Variants in EBF1 observed in about 807,000 individuals in gnomAD.
EBF1 encodes EBF transcription factor 1, also known as transcription factor COE1.
In EBF1, 10 loss-of-function variants were observed where a neutral mutation model predicts 68.4. The ratio of observed to expected loss-of-function variants is 0.15; its 90% CI spans 0.09 to 0.25. The LOEUF is 0.25. Ranked by LOEUF, EBF1 falls within the 10% of genes least tolerant of loss-of-function variation. The pLI is 1.00. For synonymous variants in EBF1, 298 were observed against 299.8 expected (o/e 0.99, Z 0.06); for missense variants, 509 against 794.4 (o/e 0.64, Z 4.32).
chr5:158,706,191 C>CTT (rs201025630), intron 15 of EBF1, among the ~76,000 whole-genome samples: 79 of 137,932 alleles, frequency 5.7e-4, no homozygotes, highest in African/African-American at 1.9e-3. Flanking sequence ...CACAGGCACG[C>CTT]TTTTTTTTTT....
At chr5:159,051,482 T>G (rs890962481) in intron 6 of EBF1, among the ~76,000 whole-genome samples, 11 of 129,050 alleles carry the variant, frequency 8.5e-5, no homozygotes, top group Non-Finnish European at 1.3e-4. Context: ...CCGCTCCACA[T>G]GTGCGACTCG....
chr5:159,051,582 C>T (rs1773755638), intron 6 of EBF1, among the ~76,000 whole-genome samples: 1 of 151,770 alleles, frequency 6.6e-6, no homozygotes, highest in African/African-American at 2.4e-5. Context: ...ACACAAACAC[C>T]GCCGGCCCGG....
intron 6 of EBF1, among the ~76,000 whole-genome samples, chr5:158,865,776 C>T (rs1457375427): frequency 1.3e-5 from 2 of 152,096 alleles, no homozygotes; most frequent in African/African-American, 4.8e-5. Flanking sequence ...AAGAACTAAA[C>T]CATAAAATTG....
rs73816865 is a variant in EBF1, at chr5:158,982,280, G to C, written c.554+91116C>G. On this transcript the variant is annotated intron_variant, in intron 6 of 15. Coordinates refer to ENST00000313708, the MANE Select transcript of EBF1 (RefSeq NM_024007.5). ...TATTAAATAAACATTAGCTGCTACA[G>C]TTGTTACTAATAGTATTATTTGCAC... 3.9e-3 allele frequency among the ~76,000 whole-genome samples: 587 copies of C among 152,288 alleles called. 2 individuals are homozygous for C. Among genetic ancestry groups the C allele is most frequent in the African/African-American group, 0.013 (537 of 41,560 alleles).
chr5:159,030,565 G>A (rs1440101199), intron 6 of EBF1, among the ~76,000 whole-genome samples: 2 of 152,162 alleles, frequency 1.3e-5, no homozygotes, highest in East Asian at 1.9e-4. Context: ...AGGGACAACA[G>A]GATCCGATCT....
intron 7 of EBF1, among the ~76,000 whole-genome samples, chr5:158,825,631 G>GA (rs558494975): frequency 4.0e-5 from 6 of 150,530 alleles, no homozygotes; most frequent in African/African-American, 4.9e-5. Context: ...AACGGTTAAG[G>GA]AAAAAAAAAC....
chr5:158,818,266 A>T (rs974644960), intron 8 of EBF1, among the ~76,000 whole-genome samples: 2 of 152,154 alleles, frequency 1.3e-5, no homozygotes, highest in African/African-American at 4.8e-5. Flanking sequence ...CTTTCTCCAC[A>T]TTTCCGTAAA....
intron 8 of EBF1, among the ~76,000 whole-genome samples, chr5:158,821,981 G>T (rs1465824788): frequency 6.6e-6 from 1 of 152,180 alleles, no homozygotes; most frequent in Non-Finnish European, 1.5e-5. Flanking sequence ...AGGGGAAAAA[G>T]CCAGGCAAAA....
chr5:158,876,560 C>T (rs1379180552), intron 6 of EBF1, among the ~76,000 whole-genome samples: 2 of 152,188 alleles, frequency 1.3e-5, no homozygotes, highest in Admixed American at 6.5e-5. Flanking sequence ...GAAGCTCCTA[C>T]AACCTGTACT....
Position 158,713,049 on chromosome 5 carries a change from G to A in EBF1, c.1290C>T (p.His430=), listed in dbSNP as rs570120838. 42 of 1,598,962 alleles carry A rather than the reference G, an allele frequency of 2.6e-5. No homozygotes were observed. The highest frequency in any genetic ancestry group is 1.2e-4 in the South Asian group (11 of 88,582). ...QLPALANTSV[H]AGMMGVNSFS... is the part of the protein sequence containing the mutation. ...ACGAATTCACGCCCATCATCCCTGC[G>A]TGGACCGAGGTGTTAGCAAGGGCCG... Residue 430 remains histidine (H), a synonymous_variant, in exon 13 of 16, where the codon CAC becomes CAT. Coordinates refer to ENST00000313708, the MANE Select transcript of EBF1 (RefSeq NM_024007.5).
At chr5:158,856,828 A>C (rs983779430) in intron 6 of EBF1, among the ~76,000 whole-genome samples, 1 of 152,204 alleles carries the variant, frequency 6.6e-6, no homozygotes. Context: ...GCTTGTGCTC[A>C]TAAGAACTGC....
chr5:158,918,479 G>A (rs1403436644), intron 6 of EBF1, among the ~76,000 whole-genome samples: 2 of 151,532 alleles, frequency 1.3e-5, no homozygotes, highest in Non-Finnish European at 2.9e-5. Context: ...TGATACTGGG[G>A]AAGAATGGAT....
chr5:158,742,335 G>T (rs1766588692), intron 10 of EBF1, among the ~76,000 whole-genome samples: 1 of 152,152 alleles, frequency 6.6e-6, no homozygotes, highest in Non-Finnish European at 1.5e-5. Flanking sequence ...CAGCTAGACT[G>T]CAGCCAGGCT....
intron 8 of EBF1, among the ~76,000 whole-genome samples, chr5:158,805,205 T>C (rs1781345729): frequency 6.6e-6 from 1 of 152,312 alleles, no homozygotes; most frequent in Middle Eastern, 3.4e-3. Flanking sequence ...AATATGCAAC[T>C]GCTTCTTCAA....
At chr5:158,965,019 C>A (rs1372771883) in intron 6 of EBF1, among the ~76,000 whole-genome samples, 1 of 152,174 alleles carries the variant, frequency 6.6e-6, no homozygotes, top group Non-Finnish European at 1.5e-5. Context: ...TATTTGGTAA[C>A]CAGACTAGAG....
intron 6 of EBF1, among the ~76,000 whole-genome samples, chr5:158,876,738 C>T (rs759277844): frequency 5.3e-5 from 8 of 152,162 alleles, no homozygotes; most frequent in South Asian, 2.1e-4. Flanking sequence ...CCGAGTGAAA[C>T]GCCACCTACC....
intron 6 of EBF1, among the ~76,000 whole-genome samples, chr5:158,852,049 A>G (rs868854090): frequency 8.9e-4 from 8 of 8,950 alleles, no homozygotes; most frequent in African/African-American, 3.5e-3. Context: ...GGAGGGGAGG[A>G]GAGGGGAGGA....
intron 6 of EBF1, among the ~76,000 whole-genome samples, chr5:158,955,328 A>T (rs562714886): frequency 6.6e-6 from 1 of 152,248 alleles, no homozygotes; most frequent in South Asian, 2.1e-4. Context: ...CATCTAAAAA[A>T]AAAAGAGAGA....
intron 6 of EBF1, among the ~76,000 whole-genome samples, chr5:158,948,534 G>C (rs1215960641): frequency 6.6e-6 from 1 of 152,178 alleles, no homozygotes; most frequent in Non-Finnish European, 1.5e-5. Context: ...TAGAATCCCA[G>C]CTTGAAAGGG....
Sources: allele counts gnomAD v4.1 joint callset (sites outside exome capture counted in the v4.1 genomes callset), GRCh38; gene constraint gnomAD v4.1.1; transcripts MANE v1.5; gene names NCBI Gene and HGNC (gene_info 2026-07-23, HGNC 2026-07-21).